The following DGKB variants were observed in gnomAD, a reference collection of about 807,000 sequenced individuals.
DGKB encodes the protein diacylglycerol kinase beta.
Under a neutral mutation model 114.3 loss-of-function variants are expected in DGKB, and 67 were observed. The ratio of observed to expected loss-of-function variants is 0.59; its 90% CI spans 0.48 to 0.72. The LOEUF is 0.72. Among genes scored for constraint, DGKB ranks in the 30% least tolerant of loss-of-function variants. DGKB has a pLI of 0.00. For missense variants in DGKB, 907 were observed against 975.2 expected (o/e 0.93, Z 0.93); for synonymous variants, 398 against 323.1 (o/e 1.23, Z -2.49).
intron 23 of DGKB, among the ~76,000 whole-genome samples, chr7:14,318,752 A>G (rs994205425): frequency 1.3e-5 from 2 of 152,160 alleles, no homozygotes; most frequent in East Asian, 1.9e-4. Context: ...ATCTAGAACT[A>G]GAAATACCAT....
rs572773551 is a variant in DGKB, at chr7:14,767,717, T to C, written c.71-9986A>G. ...TTGTAAAATTCACTTTTGTGGGCAA[T>C]AGAATTAAATGCAGACATTTTATGT... On this transcript the variant is annotated intron_variant, in intron 2 of 25. Transcript: ENST00000402815. 3.3e-5 allele frequency among the ~76,000 whole-genome samples: 5 copies of C among 152,104 alleles called. No homozygotes were observed. The South Asian group carries it at 8.3e-4, about 25-fold the overall frequency.
chr7:14,299,681 A>C (rs1803171710), intron 23 of DGKB, among the ~76,000 whole-genome samples: 1 of 152,106 alleles, frequency 6.6e-6, no homozygotes, highest in South Asian at 2.1e-4. Context: ...ATGAAAAGGA[A>C]AGGGTATGAG....
intron 20 of DGKB, among the ~76,000 whole-genome samples, chr7:14,534,430 T>A (rs1313376288): frequency 1.3e-5 from 2 of 151,938 alleles, no homozygotes; most frequent in African/African-American, 2.4e-5. Flanking sequence ...ATGGACAAAG[T>A]GGGAACAGTA....
chr7:14,799,637 C>T (rs745984015), intron 2 of DGKB, among the ~76,000 whole-genome samples: 3 of 152,084 alleles, frequency 2.0e-5, no homozygotes, highest in South Asian at 4.1e-4. Context: ...GTACCTCTAA[C>T]GGGCCTATTT....
Position 14,694,191 on chromosome 7 carries a change from G to C in DGKB, c.595C>G (p.Leu199Val). 1 of 1,566,316 alleles carries C rather than the reference G, an allele frequency of 6.4e-7. No homozygotes were observed. The highest frequency in any genetic ancestry group is 8.7e-7 in the Non-Finnish European group (1 of 1,154,122). ...TCAATTTCTTCCATCATTTCATGGA[G>C]GATCTGGAGTAGAGGAGATAAGGGA... ...EWDVTELNPI[L>V]HEMMEEIDYD... Residue 199 changes from leucine to valine, a missense_variant, in exon 9 of 26, where the codon CTC (leucine) becomes GTC (valine). By Grantham distance (32) the Leu-to-Val change is conservative. Transcript: ENST00000402815.
chr7:14,560,177 CTCTT>C (rs1489573109), intron 20 of DGKB, among the ~76,000 whole-genome samples: 2 of 152,022 alleles, frequency 1.3e-5, no homozygotes, highest in Non-Finnish European at 1.5e-5. Context: ...ACTTTCTCCT[CTCTT>C]TTTTTATTGT....
In DGKB at chr7:14,854,863, C is replaced by T. The variant is rs117948417; in HGVS notation, c.-187-13413G>A. On this transcript the variant is annotated intron_variant, in intron 1 of 25. Transcript: ENST00000402815. ...AATAAAATTGGTCTACTCTGTGTTA[C>T]GTGGCCTATATGAAGGGAAATAGAC... Among the ~76,000 whole-genome samples the T allele has an allele frequency of 9.7e-3, 1,472 of 152,096 alleles. 21 individuals carry two copies. Among genetic ancestry groups the T allele is most frequent in the Non-Finnish European group, 0.016 (1,086 of 67,998 alleles).
At chr7:14,284,922 T>C (rs1403189491) in intron 23 of DGKB, among the ~76,000 whole-genome samples, 3 of 148,482 alleles carry the variant, frequency 2.0e-5, no homozygotes, top group Admixed American at 1.3e-4. Flanking sequence ...GATGACGAGT[T>C]AGTGGGTGAA....
At chr7:14,956,773 G>A (rs1051014649) in intron 1 of DGKB, among the ~76,000 whole-genome samples, 1 of 151,992 alleles carries the variant, frequency 6.6e-6, no homozygotes, top group Non-Finnish European at 1.5e-5. Context: ...CAGATGTAAA[G>A]ATCCGTAGGT....
chr7:14,936,939 T>C (rs1020812492), intron 1 of DGKB, among the ~76,000 whole-genome samples: 1 of 151,738 alleles, frequency 6.6e-6, no homozygotes, highest in South Asian at 2.1e-4. Flanking sequence ...GTTTCTCCCA[T>C]GGTGTAAATG....
intron 20 of DGKB, among the ~76,000 whole-genome samples, chr7:14,519,273 G>A (rs2128560112): frequency 6.6e-6 from 1 of 151,942 alleles, no homozygotes; most frequent in African/African-American, 2.4e-5. Context: ...ACCAGCCTCA[G>A]GCAACCTCTG....
chr7:14,264,652 G>C (rs1365661162), intron 23 of DGKB, among the ~76,000 whole-genome samples: 1 of 152,162 alleles, frequency 6.6e-6, no homozygotes, highest in Admixed American at 6.5e-5. Flanking sequence ...TTTTAGAGAA[G>C]TCATGTGGAG....
At position 14,723,569 on chromosome 7, in the gene DGKB, A is replaced by ATGTG. The variant is rs749175012; in HGVS notation, c.323-4888_323-4885dup. Among the ~76,000 whole-genome samples, 4 of 149,652 alleles carry ATGTG rather than the reference A, an allele frequency of 2.7e-5. No individual in the cohort carries two copies. The East Asian group carries it at 5.8e-4, about 22-fold the overall frequency. On this transcript the variant is annotated intron_variant, in intron 5 of 25. Coordinates refer to ENST00000402815, the MANE Select transcript of DGKB (RefSeq NM_001350709.2). ...AGCAAATGTGTGTGTGTGTATATAT[A>ATGTG]TGTGTGTGTGTGTGTATATACACAT...
intron 23 of DGKB, among the ~76,000 whole-genome samples, chr7:14,206,046 A>C (rs1439045322): frequency 1.3e-5 from 2 of 152,172 alleles, no homozygotes; most frequent in East Asian, 3.9e-4. Flanking sequence ...TATTCAAAAT[A>C]AAAACTTGCA....
At chr7:14,825,364 C>A (rs1169329901) in intron 2 of DGKB, among the ~76,000 whole-genome samples, 1 of 152,052 alleles carries the variant, frequency 6.6e-6, no homozygotes, top group African/African-American at 2.4e-5. Context: ...AATGAAATAA[C>A]TATACAACTC....
At chr7:14,291,997 C>CA (rs1801846348) in intron 23 of DGKB, among the ~76,000 whole-genome samples, 1 of 151,272 alleles carries the variant, frequency 6.6e-6, no homozygotes, top group African/African-American at 2.4e-5. Context: ...TTTTTTTTCA[C>CA]AAAAAAGGCA....
intron 6 of DGKB, among the ~76,000 whole-genome samples, chr7:14,704,008 A>C (rs1563962553): frequency 6.6e-6 from 1 of 152,082 alleles, no homozygotes; most frequent in East Asian, 1.9e-4. Flanking sequence ...CTAAATCGAA[A>C]AATAGAATTC....
intron 1 of DGKB, among the ~76,000 whole-genome samples, chr7:14,887,114 T>C (rs1780409805): frequency 1.3e-5 from 2 of 151,896 alleles, no homozygotes; most frequent in Admixed American, 1.3e-4. Flanking sequence ...CCTGTTTATT[T>C]GTGTGGTTAT....
chr7:14,436,751 C>G (rs1207894096), intron 21 of DGKB, among the ~76,000 whole-genome samples: 1 of 152,180 alleles, frequency 6.6e-6, no homozygotes, highest in East Asian at 1.9e-4. Context: ...CCACAAAACT[C>G]ATTACAGATA....
Sources: gnomAD v4.1 joint callset for allele counts (sites outside exome capture counted in the v4.1 genomes callset) on GRCh38, gnomAD v4.1.1 for gene constraint, MANE v1.5 for transcripts, NCBI Gene and HGNC (gene_info 2026-07-23, HGNC 2026-07-21) for gene names.